Variants in ESRRG observed in about 807,000 individuals in gnomAD.
ESRRG encodes estrogen-related receptor gamma.
ESRRG carries 13 observed loss-of-function variants against 44.0 expected under a neutral mutation model. That is an observed-to-expected ratio of 0.30 (90% CI 0.19 to 0.47). The LOEUF (loss-of-function observed/expected upper bound fraction) is 0.47, where lower values mean the gene tolerates loss of function less well. Ranked by LOEUF, ESRRG falls within the 20% of genes least tolerant of loss-of-function variation. The probability of loss-of-function intolerance (pLI) is 1.00; values close to 1 mark genes in which losing one functional copy is unlikely to be tolerated. For synonymous variants in ESRRG, 215 were observed against 214.6 expected (o/e 1.00, Z -0.02); for missense variants, 395 against 580.6 (o/e 0.68, Z 3.29).
chr1:216,624,811 A>G (rs561394416), intron 3 of ESRRG, among the ~76,000 whole-genome samples: 4 of 152,194 alleles, frequency 2.6e-5, no homozygotes, highest in Admixed American at 2.6e-4. Context: ...CATGATGAAT[A>G]TAAGTTCAGT....
At chr1:216,631,061 C>T (rs1164026811) in intron 3 of ESRRG, among the ~76,000 whole-genome samples, 1 of 150,398 alleles carries the variant, frequency 6.6e-6, no homozygotes, top group African/African-American at 2.5e-5. Context: ...GAAGCTGAGT[C>T]CATCAGGTTA....
chr1:216,625,960 C>T (rs2063125967), intron 3 of ESRRG, among the ~76,000 whole-genome samples: 1 of 152,134 alleles, frequency 6.6e-6, no homozygotes, highest in Non-Finnish European at 1.5e-5. Flanking sequence ...CTCTCTCACT[C>T]CCTCTGTCTG....
chr1:217,007,609 T>C (rs189869382), intron 1 of ESRRG, among the ~76,000 whole-genome samples: 2 of 152,308 alleles, frequency 1.3e-5, no homozygotes, highest in East Asian at 1.9e-4. Flanking sequence ...CAGAACAGTC[T>C]CCATAAAATT....
chr1:216,836,495 G>A (rs1016311572), intron 2 of ESRRG, among the ~76,000 whole-genome samples: 1 of 151,880 alleles, frequency 6.6e-6, no homozygotes, highest in South Asian at 2.1e-4. Flanking sequence ...CTACAATCAC[G>A]GGCCTACCAA....
chr1:216,865,524 T>C (rs1251699714), intron 2 of ESRRG, among the ~76,000 whole-genome samples: 3 of 152,112 alleles, frequency 2.0e-5, no homozygotes, highest in Non-Finnish European at 1.5e-5. Flanking sequence ...ATAGCACAAT[T>C]GGGACTGCTG....
At chr1:217,098,006 T>C (rs1003366465) in intron 1 of ESRRG, among the ~76,000 whole-genome samples, 3 of 152,184 alleles carry the variant, frequency 2.0e-5, no homozygotes, top group Non-Finnish European at 2.9e-5. Context: ...CAGGCAATAG[T>C]ATTGCTTTAC....
chr1:217,101,780 AAAC>A (rs1234700190), intron 1 of ESRRG, among the ~76,000 whole-genome samples: 5 of 116,854 alleles, frequency 4.3e-5, no homozygotes, highest in African/African-American at 1.6e-4. Flanking sequence ...TTGTGGTTTA[AAAC>A]AACATTTTAT....
upstream of ESRRG, among the ~76,000 whole-genome samples, chr1:217,091,587 T>C (rs982149657): frequency 6.6e-6 from 1 of 152,224 alleles, no homozygotes; most frequent in Non-Finnish European, 1.5e-5. Flanking sequence ...TATTGACTGA[T>C]GGCCAGATCC....
At chr1:216,910,791 T>A (rs1457336772) in intron 2 of ESRRG, among the ~76,000 whole-genome samples, 2 of 152,172 alleles carry the variant, frequency 1.3e-5, no homozygotes, top group Admixed American at 6.6e-5. Context: ...GGATTTTTAC[T>A]ATATTAAAAA....
chr1:217,102,778 C>A (rs2092536251), intron 1 of ESRRG, among the ~76,000 whole-genome samples: 1 of 152,122 alleles, frequency 6.6e-6, no homozygotes, highest in South Asian at 2.1e-4. Context: ...CTTTGGGAGA[C>A]ACTGGCACAT....
chr1:217,091,423 T>A (rs2092343403), upstream of ESRRG, among the ~76,000 whole-genome samples: 1 of 152,234 alleles, frequency 6.6e-6, no homozygotes, highest in South Asian at 2.1e-4. Flanking sequence ...AGAGGTCGGA[T>A]AAGTTTAATG....
At chr1:216,675,542 C>G (rs957010425) in intron 2 of ESRRG, among the ~76,000 whole-genome samples, 3 of 152,166 alleles carry the variant, frequency 2.0e-5, no homozygotes, top group Admixed American at 1.3e-4. Context: ...AGTTTCAGTT[C>G]TGTCCAGCAA....
chr1:216,656,927 T>C (rs1054340323), intron 2 of ESRRG, among the ~76,000 whole-genome samples: 3 of 152,188 alleles, frequency 2.0e-5, no homozygotes, highest in Non-Finnish European at 4.4e-5. Context: ...ATTAAGTGAT[T>C]TAAAAATAAT....
intron 2 of ESRRG, among the ~76,000 whole-genome samples, chr1:216,916,030 C>T (rs559998325): frequency 1.3e-5 from 2 of 152,186 alleles, no homozygotes; most frequent in East Asian, 3.9e-4. Context: ...CTTTCTCTAC[C>T]ACTGTGTGTG....
At chr1:216,814,200 A>G (rs959072588) in intron 2 of ESRRG, among the ~76,000 whole-genome samples, 1 of 152,156 alleles carries the variant, frequency 6.6e-6, no homozygotes, top group Non-Finnish European at 1.5e-5. Context: ...CCACTGGGCC[A>G]TATCTAGTAA....
rs575859327 is a variant in ESRRG at position 216,560,238 on chromosome 1, C to A, written c.862+3981G>T. ...ATAGGAATTTTTTTCTATTTGATAT[C>A]ATTACAATAGAGATCAATTGAAAAA... On this transcript the variant is annotated intron_variant, in intron 5 of 6. Transcript: ENST00000408911. 3.3e-5 allele frequency among the ~76,000 whole-genome samples: 5 copies of A among 152,176 alleles called. No homozygotes were observed. The East Asian group carries it at 7.7e-4, about 23-fold the overall frequency.
At position 216,769,070 on chromosome 1, in the gene ESRRG, C is replaced by CAA. The variant is rs35453041; in HGVS notation, c.-13-91581_-13-91580dup. 5.7e-3 allele frequency among the ~76,000 whole-genome samples: 840 copies of CAA among 148,250 alleles called. 10 individuals carry two copies. The highest frequency in any genetic ancestry group is 0.02 in the African/African-American group (795 of 40,634). On this transcript the variant is annotated intron_variant, in intron 2 of 7. Transcript: ENST00000359162. ...AATAGATGTTTTAGGAAAAGGAGGC[C>CAA]AAAAAAAAAATAATGATTAAAAGAT... is the stretch of plus-strand genomic sequence containing the variant.
intron 2 of ESRRG, among the ~76,000 whole-genome samples, chr1:216,729,583 A>C (rs2088288649): frequency 6.6e-6 from 1 of 152,146 alleles, no homozygotes; most frequent in Non-Finnish European, 1.5e-5. Flanking sequence ...GGGAAAACTA[A>C]AAGATGTTCC....
chr1:217,046,561 T>G (rs2151186729), intron 1 of ESRRG, among the ~76,000 whole-genome samples: 1 of 152,236 alleles, frequency 6.6e-6, no homozygotes, highest in Middle Eastern at 3.4e-3. Flanking sequence ...AAGTTGATTT[T>G]TGAGAGGAAA....
Sources: allele counts gnomAD v4.1 joint callset (sites outside exome capture counted in the v4.1 genomes callset), GRCh38; gene constraint gnomAD v4.1.1; transcripts MANE v1.5; gene names NCBI Gene and HGNC (gene_info 2026-07-23, HGNC 2026-07-21).